The following ATXN3 variants were observed in gnomAD, a reference collection of about 807,000 sequenced individuals.
ATXN3 encodes ataxin-3.
Under a neutral mutation model 58.2 loss-of-function variants are expected in ATXN3, and 28 were observed. The observed-to-expected ratio is 0.48, with a 90% confidence interval of 0.36 to 0.66. The LOEUF is 0.66. ATXN3 is among the 30% of genes least tolerant of loss of function. The pLI is 0.00. For missense variants in ATXN3, 321 were observed against 422.1 expected (o/e 0.76, Z 2.10); for synonymous variants, 113 against 138.5 (o/e 0.82, Z 1.29).
intron 1 of ATXN3, among the ~76,000 whole-genome samples, chr14:92,106,247 C>G (rs961071004): frequency 1.1e-4 from 16 of 152,176 alleles, no homozygotes; most frequent in African/African-American, 2.9e-4. Context: ...AAGGCAGAAG[C>G]AAACCCACTG....
chr14:92,080,913 T>C (rs983286818), intron 9 of ATXN3, 52 bp downstream of exon 9: 1 of 1,377,086 alleles, frequency 7.3e-7, no homozygotes, highest in Non-Finnish European at 1.0e-6. Context: ...ATAGACAAAA[T>C]AGCCAAAGCA....
chr14:92,086,253 C>CAAAAA (rs869147623), intron 6 of ATXN3, among the ~76,000 whole-genome samples: 3 of 94,944 alleles, frequency 3.2e-5, no homozygotes, highest in Non-Finnish European at 4.0e-5. Flanking sequence ...ACTAAAAATA[C>CAAAAA]AAAAAAAAAA....
At chr14:92,064,731 C>G (rs56323605) in intron 10 of ATXN3, among the ~76,000 whole-genome samples, 1,649 of 152,240 alleles carry the variant, frequency 0.011, 21 homozygotes, top group Non-Finnish European at 0.015. Flanking sequence ...ATATAAAAGG[C>G]ATCAGTAGGT....
intron 1 of ATXN3, among the ~76,000 whole-genome samples, chr14:92,098,576 A>G (rs1361407098): frequency 6.6e-6 from 1 of 152,186 alleles, no homozygotes; most frequent in Non-Finnish European, 1.5e-5. Flanking sequence ...TAACAGAGCA[A>G]GACTCTGTCT....
chr14:92,090,946 C>CT (rs34338098), intron 5 of ATXN3, among the ~76,000 whole-genome samples: 29,635 of 116,382 alleles, frequency 0.25, 4,823 homozygotes, highest in Admixed American at 0.3. Context: ...TGTAAGCTGC[C>CT]TTTTTTTTTT....
At position 92,064,209 on chromosome 14, in the gene ATXN3, TAA is replaced by T. The variant is rs2057988165; in HGVS notation, c.*109_*110del. On this transcript the variant is annotated 3_prime_UTR_variant, in exon 11 of 11. Coordinates refer to ENST00000644486, the MANE Select transcript of ATXN3 (RefSeq NM_004993.6). Reference sequence around the variant, plus strand: ...TCCCATCATTTTGTTTGCAAACCGCTAAAAGTCTTATTTCCTCATCTCTTTGA... The same window carrying T: ...TCCCATCATTTTGTTTGCAAACCGCTAAGTCTTATTTCCTCATCTCTTTGA... The T allele has an allele frequency of 5.8e-6, 4 of 686,230 alleles. No individual in the cohort carries two copies. Among genetic ancestry groups the T allele is most frequent in the Non-Finnish European group, 9.4e-6 (4 of 425,342 alleles). 42.5% of individuals were successfully genotyped at this position (686,230 alleles called of 1,614,324 possible).
At chr14:92,103,745 A>T (rs2067417093) in intron 1 of ATXN3, among the ~76,000 whole-genome samples, 2 of 152,254 alleles carry the variant, frequency 1.3e-5, no homozygotes, top group South Asian at 4.1e-4. Flanking sequence ...AAGGGTACTC[A>T]AAGTGACTAC....
intron 8 of ATXN3, among the ~76,000 whole-genome samples, chr14:92,081,465 CAAAAAAAAA>C (rs58398762): frequency 0.41 from 33,931 of 83,670 alleles, 4,412 homozygotes; most frequent in East Asian, 0.55. Flanking sequence ...GACTCTGACT[CAAAAAAAAA>C]AAAAAAAAAA....
intron 9 of ATXN3, among the ~76,000 whole-genome samples, chr14:92,072,003 T>C (rs899157723): frequency 6.6e-5 from 10 of 152,220 alleles, no homozygotes; most frequent in Non-Finnish European, 1.5e-4. Context: ...CCAGTGCTGA[T>C]AACTGTGCTG....
rs1566893435 is a variant in ATXN3, at chr14:92,060,239, T to TACACACACAC, written c.*4080_*4081insGTGTGTGTGT. The stretch of plus-strand genomic sequence containing the variant: ...AGGAAGTCATATATATATACATATA[T>TACACACACAC]ATATACACACATATATATATATATA... On this transcript the variant is annotated 3_prime_UTR_variant, in exon 11 of 11. Transcript: ENST00000644486. 2.2e-5 allele frequency: 3 copies of TACACACACAC among 136,570 alleles called. No homozygotes were observed. Among genetic ancestry groups the TACACACACAC allele is most frequent in the Admixed American group, 7.7e-5 (1 of 13,068 alleles). The allele number at this position is 136,570 out of a possible 1,614,324, so 8.5% of individuals were successfully genotyped here. A position where few individuals can be genotyped will look rare whatever the true frequency, so the allele number is the denominator to read the frequency against.
At chr14:92,092,459 G>GT in intron 5 of ATXN3, among the ~76,000 whole-genome samples, 1 of 152,172 alleles carries the variant, frequency 6.6e-6, no homozygotes, top group Non-Finnish European at 1.5e-5. Context: ...GTAGACGTAC[G>GT]TATTACATGG....
intron 10 of ATXN3, among the ~76,000 whole-genome samples, chr14:92,064,706 C>A (rs918104567): frequency 2.0e-5 from 3 of 152,164 alleles, no homozygotes; most frequent in Non-Finnish European, 4.4e-5. Context: ...ACAGTTTTAT[C>A]TTTTCCTGCA....
rs1566893331 is a variant in ATXN3, at chr14:92,060,224, AT to A, written c.*4095del. ...GATAAAGTTTTTAATAGGAAGTCAT[AT>A]ATATATACATATATATATACACACA... On this transcript the variant is annotated 3_prime_UTR_variant, in exon 11 of 11. Transcript: ENST00000644486. 1 of 143,398 alleles carries A rather than the reference AT, an allele frequency of 7.0e-6. No individual in the cohort carries two copies. The highest frequency in any genetic ancestry group is 2.6e-5 in the African/African-American group (1 of 38,228). The allele number at this position is 143,398 out of a possible 1,614,324, so 8.9% of individuals were successfully genotyped here.
In ATXN3 at chr14:92,103,914, C is replaced by T. The variant is rs563308766; in HGVS notation, c.24+2615G>A. On this transcript the variant is annotated intron_variant, in intron 1 of 10. Coordinates refer to ENST00000644486, the MANE Select transcript of ATXN3 (RefSeq NM_004993.6). ...TAAAGGTATATTGCAGAGGGGAAGG[C>T]AGTGAACGGAAAAATGGCACAGTAA... 8.5e-5 allele frequency among the ~76,000 whole-genome samples: 13 copies of T among 152,242 alleles called. No individual in the cohort carries two copies. In the South Asian group the frequency reaches 2.7e-3, roughly 32 times the overall value.
At chr14:92,101,408 T>G (rs1483980957) in intron 1 of ATXN3, among the ~76,000 whole-genome samples, 1 of 152,186 alleles carries the variant, frequency 6.6e-6, no homozygotes, top group Non-Finnish European at 1.5e-5. Flanking sequence ...AAATTCCACA[T>G]GGACCAAAAG....
chr14:92,086,016 A>G (rs2062410453), intron 6 of ATXN3, among the ~76,000 whole-genome samples: 1 of 152,176 alleles, frequency 6.6e-6, no homozygotes, highest in Non-Finnish European at 1.5e-5. Context: ...TCAAAGAATT[A>G]AAAACCCTAT....
chr14:92,087,911 G>C (rs2062940936), intron 6 of ATXN3, among the ~76,000 whole-genome samples: 1 of 152,186 alleles, frequency 6.6e-6, no homozygotes, highest in Admixed American at 6.5e-5. Flanking sequence ...GTACTGGATT[G>C]ATTGACGATA....
At chr14:92,075,155 A>AG (rs1389670582) in intron 9 of ATXN3, among the ~76,000 whole-genome samples, 39 of 117,582 alleles carry the variant, frequency 3.3e-4, no homozygotes, top group South Asian at 6.0e-4. Flanking sequence ...TGTAATAGGG[A>AG]GTTTTTTTTT....
chr14:92,055,463 TTTTTTC>T (rs2057461920), downstream of ATXN3, among the ~76,000 whole-genome samples: 1 of 152,176 alleles, frequency 6.6e-6, no homozygotes. The surrounding 1 kb of genome is among the most constrained non-coding windows in gnomAD (Gnocchi z 4.5). Flanking sequence ...TCTCCAGAAC[TTTTTTC>T]ATCTTCCCAA....
Sources: gnomAD v4.1 joint callset for allele counts (sites outside exome capture counted in the v4.1 genomes callset) on GRCh38, gnomAD v4.1.1 for gene constraint, Gnocchi (gnomAD v3.1) non-coding constraint, MANE v1.5 for transcripts, NCBI Gene and HGNC (gene_info 2026-07-23, HGNC 2026-07-21) for gene names.